Variants in NEUROG2 observed in about 807,000 individuals in gnomAD.
The protein encoded by NEUROG2 is neurogenin 2.
In NEUROG2, 1 loss-of-function variant was observed where a neutral mutation model predicts 2.8. The ratio of observed to expected loss-of-function variants is 0.36; its 90% confidence interval spans 0.13 to 1.71. NEUROG2 has a LOEUF of 1.71. Ranked by LOEUF, NEUROG2 falls within the 40% of genes most tolerant of loss-of-function variation. The pLI, the probability that NEUROG2 is intolerant of heterozygous loss-of-function variation, is 0.34. For synonymous variants in NEUROG2, 211 were observed against 187.7 expected (o/e 1.12, Z -1.01); for missense variants, 397 against 392.7 (o/e 1.01, Z -0.09).
Position 112,514,931 on chromosome 4 carries a change from G to C in NEUROG2, c.545C>G (p.Pro182Arg). ...CACTGCCTCGGAGAAGAGCGCCCCC[G>C]GCAGGCCCCCGCCGCCGCCCCCGCA... Reference protein sequence around the residue: ...DHCGGGGGGLPGALFSEAVLL... With the variant: ...DHCGGGGGGLRGALFSEAVLL... Residue 182 changes from proline (P) to arginine (R), a missense_variant, in exon 2 of 2, where the codon CCG becomes CGG. Physicochemically the swap from Pro to Arg is moderately radical, Grantham distance 103 (BLOSUM62 -2). Transcript: ENST00000313341. 7.5e-6 allele frequency: 12 copies of C among 1,609,018 alleles called. No individual in the cohort carries two copies. Among genetic ancestry groups the C allele is most frequent in the Non-Finnish European group, 1.0e-5 (12 of 1,178,408 alleles).
At position 112,514,775 on chromosome 4, in the gene NEUROG2, T is replaced by C. The variant is rs778214011; in HGVS notation, c.701A>G (p.Tyr234Cys). Residue 234 changes from tyrosine (Y) to cysteine (C), a missense_variant, in exon 2 of 2, where the codon TAC becomes TGC. Transcript: ENST00000313341. The part of the protein sequence containing the change: ...SSVSSNSTSP[Y>C]SCTLSPASPA... ...GCTGGCGGGCGATAAAGTGCAGCTGTAGGGGGAGGTGGAATTGGAGGACAC... is the reference window on the plus strand; with the variant it reads ...GCTGGCGGGCGATAAAGTGCAGCTGCAGGGGGAGGTGGAATTGGAGGACAC... 4.5e-6 allele frequency: 7 copies of C among 1,545,960 alleles called. No individual in the cohort carries two copies. Among genetic ancestry groups the C allele is most frequent in the Admixed American group, 4.3e-5 (2 of 46,782 alleles).
chr4:112,514,695 A>AGC lies in NEUROG2; in HGVS notation c.779_780dup (p.Tyr261AlafsTer8). On this transcript the variant is annotated frameshift_variant, in exon 2 of 2. Transcript: ENST00000313341. LOFTEE classifies it high-confidence loss of function. ...CTGGCTATGGGGAGGTGAGGTGCAT[A>AGC]GCGGTGCTTGTCGGGAGGTGGGGGC... The AGC allele has an allele frequency of 6.6e-7, 1 of 1,517,682 alleles. No homozygotes were observed. The highest frequency in any genetic ancestry group is 8.8e-7 in the Non-Finnish European group (1 of 1,135,712). The allele number at this position is 1,517,682 out of a possible 1,614,324, so 94.0% of individuals were successfully genotyped here. A position where few individuals can be genotyped will look rare whatever the true frequency, so the allele number is the denominator to read the frequency against.
rs1255559295 is a variant in NEUROG2, at chr4:112,513,755, G to T, written c.*902C>A. 6.6e-6 allele frequency: 1 copy of T among 152,570 alleles called. No individual in the cohort carries two copies. The highest frequency in any genetic ancestry group is 1.5e-5 in the Non-Finnish European group (1 of 68,040). 9.5% of individuals were successfully genotyped at this position (152,570 alleles called of 1,614,324 possible). ...TTTTTAATCTCTTGAAAGAATGGGG[G>T]AGTTCCTTCTCCCCTAAAAGGTCGA... On this transcript the variant is annotated 3_prime_UTR_variant, in exon 2 of 2. Transcript: ENST00000313341.
In NEUROG2 at chr4:112,514,396, G is replaced by A; in HGVS notation, c.*261C>T. On this transcript the variant is annotated 3_prime_UTR_variant, in exon 2 of 2. Transcript: ENST00000313341. ...CTTCCCAGGGTCTTTTTCGTCTCAA[G>A]AAGCGCCCCCAAAACGCCACCCTTG... 2.6e-6 allele frequency: 1 copy of A among 386,188 alleles called. No homozygotes were observed. The highest frequency in any genetic ancestry group is 2.1e-5 in the African/African-American group (1 of 48,418). 23.9% of individuals were successfully genotyped at this position (386,188 alleles called of 1,614,324 possible). A position where few individuals can be genotyped will look rare whatever the true frequency, so the allele number is the denominator to read the frequency against.
rs543548321 is a variant in NEUROG2 at position 112,515,270 on chromosome 4, G to A, written c.206C>T (p.Ala69Val). ...AGQGARGGVAAGAEGCRPARL... is the reference protein window; with the variant it reads ...AGQGARGGVAVGAEGCRPARL... ...TGCGGGCCGGCAGCCCTCCGCACCC[G>A]CAGCCACGCCGCCCCGCGCCCCCTG... is the stretch of plus-strand genomic sequence containing the variant. The change falls in exon 2 of 2, where the codon GCG becomes GTG. Residue 69 changes from alanine (A) to valine (V), a missense_variant. Ala to Val is a moderately conservative substitution (Grantham distance 64). Transcript: ENST00000313341. 7.7e-5 allele frequency: 117 copies of A among 1,521,848 alleles called. No homozygotes were observed. In the East Asian group the frequency reaches 1.4e-3, roughly 18 times the overall value. The allele number at this position is 1,521,848 out of a possible 1,614,324, so 94.3% of individuals were successfully genotyped here. A position where few individuals can be genotyped will look rare whatever the true frequency, so the allele number is the denominator to read the frequency against.
chr4:112,515,111 C>A lies in NEUROG2; in HGVS notation c.365G>T (p.Arg122Leu), dbSNP rs1736401396. The A allele has an allele frequency of 6.2e-7, 1 of 1,613,842 alleles. No individual in the cohort carries two copies. ...TRRLKANNRERNRMHNLNAAL... is the reference protein window; with the variant it reads ...TRRLKANNRELNRMHNLNAAL... ...CGCGTTGAGGTTGTGCATGCGGTTT[C>A]GCTCGCGGTTGTTGGCCTTCAGTCT... The change falls in exon 2 of 2, where the codon CGA becomes CTA. Residue 122 changes from arginine (R) to leucine (L), a missense_variant. By Grantham distance (102) the Arg-to-Leu change is moderately radical (BLOSUM62 -2). Transcript: ENST00000313341.
chr4:112,514,454 A>T lies in NEUROG2; in HGVS notation c.*203T>A, dbSNP rs752733719. ...CAATAAGCTCCATCACACCTTCAGT[A>T]AATCAGAGCCCGTCTGAATGAAGGA... On this transcript the variant is annotated 3_prime_UTR_variant, in exon 2 of 2. Coordinates refer to ENST00000313341, the MANE Select transcript of NEUROG2 (RefSeq NM_024019.4). 6.9e-6 allele frequency: 3 copies of T among 434,758 alleles called. No homozygotes were observed. The highest frequency in any genetic ancestry group is 1.2e-5 in the Non-Finnish European group (3 of 256,440). 26.9% of individuals were successfully genotyped at this position (434,758 alleles called of 1,614,324 possible). A position where few individuals can be genotyped will look rare whatever the true frequency, so the allele number is the denominator to read the frequency against.
Position 112,514,574 on chromosome 4 carries a change from G to T in NEUROG2, c.*83C>A. 8.8e-7 allele frequency: 1 copy of T among 1,136,512 alleles called. No individual in the cohort carries two copies. Among genetic ancestry groups the T allele is most frequent in the Non-Finnish European group, 1.2e-6 (1 of 826,734 alleles). 70.4% of individuals were successfully genotyped at this position (1,136,512 alleles called of 1,614,324 possible). A position where few individuals can be genotyped will look rare whatever the true frequency, so the allele number is the denominator to read the frequency against. On this transcript the variant is annotated 3_prime_UTR_variant, in exon 2 of 2. Transcript: ENST00000313341. Reference sequence around the variant, plus strand: ...ATGGTTTCCAGGGCGTGGAAAGGAGGGGCAGGGGAAGGGAGGAGGGCTCGA... The same window carrying T: ...ATGGTTTCCAGGGCGTGGAAAGGAGTGGCAGGGGAAGGGAGGAGGGCTCGA...
chr4:112,513,601 C>T lies in NEUROG2; in HGVS notation c.*1056G>A, dbSNP rs1304768424. Reference sequence around the variant, plus strand: ...AGATGTAAATACATACTAGAATAAACTCTGTAGAATATACAAAAAATACAT... The same window carrying T: ...AGATGTAAATACATACTAGAATAAATTCTGTAGAATATACAAAAAATACAT... On this transcript the variant is annotated 3_prime_UTR_variant, in exon 2 of 2. Transcript: ENST00000313341. The T allele has an allele frequency of 1.3e-5, 2 of 152,548 alleles. No individual in the cohort carries two copies. The highest frequency in any genetic ancestry group is 2.9e-5 in the Non-Finnish European group (2 of 68,008). 9.4% of individuals were successfully genotyped at this position (152,548 alleles called of 1,614,324 possible). A position where few individuals can be genotyped will look rare whatever the true frequency, so the allele number is the denominator to read the frequency against.
In NEUROG2 at chr4:112,514,944, C is replaced by T. The variant is rs766752915; in HGVS notation, c.532G>A (p.Gly178Ser). The T allele has an allele frequency of 2.2e-5, 35 of 1,610,790 alleles. No homozygotes were observed. The highest frequency in any genetic ancestry group is 3.0e-5 in the Non-Finnish European group (35 of 1,179,090). Residue 178 changes from glycine (G) to serine (S), a missense_variant, in exon 2 of 2, where the codon GGC becomes AGC. Gly to Ser is a moderately conservative substitution (Grantham distance 56). Transcript: ENST00000313341. ...AAGAGCGCCCCCGGCAGGCCCCCGC[C>T]GCCGCCCCCGCAGTGATCCGCCAGG... Reference protein sequence around the residue: ...LRLADHCGGGGGGLPGALFSE... With the variant: ...LRLADHCGGGSGGLPGALFSE...
chr4:112,515,251 C>T lies in NEUROG2; in HGVS notation c.225G>A (p.Arg75=), dbSNP rs1371505317. ...GTACCAGACCCAGCAGCCGTGCGGG[C>T]CGGCAGCCCTCCGCACCCGCAGCCA... ...GGVAAGAEGC[R]PARLLGLVHD... Residue 75 remains arginine (R), a synonymous_variant, in exon 2 of 2, where the codon CGG becomes CGA. Coordinates refer to ENST00000313341, the MANE Select transcript of NEUROG2 (RefSeq NM_024019.4). 14 of 1,576,888 alleles carry T rather than the reference C, an allele frequency of 8.9e-6. No homozygotes were observed. The highest frequency in any genetic ancestry group is 1.2e-5 in the Non-Finnish European group (14 of 1,169,516).
chr4:112,513,682 A>G lies in NEUROG2; in HGVS notation c.*975T>C, dbSNP rs1736360186. On this transcript the variant is annotated 3_prime_UTR_variant, in exon 2 of 2. Coordinates refer to ENST00000313341, the MANE Select transcript of NEUROG2 (RefSeq NM_024019.4). ...ATAGAAGGGAACACGTGTGTGGCTG[A>G]TCCGGATAATGCTCCGTGTCTGCTT... 6.5e-6 allele frequency: 1 copy of G among 152,672 alleles called. No homozygotes were observed. The highest frequency in any genetic ancestry group is 2.4e-5 in the African/African-American group (1 of 41,464). The allele number at this position is 152,672 out of a possible 1,614,324, so 9.5% of individuals were successfully genotyped here. A position where few individuals can be genotyped will look rare whatever the true frequency, so the allele number is the denominator to read the frequency against.
In NEUROG2 at chr4:112,515,209, G is replaced by C; in HGVS notation, c.267C>G (p.Arg89=). 6.2e-7 allele frequency: 1 copy of C among 1,608,064 alleles called. No individual in the cohort carries two copies. ...LLGLVHDCKR[R]PSRARAVSRG... ...GGGAGACGGCCCGCGCCCGGGAAGG[G>C]CGCCGTTTGCAATCGTGTACCAGAC... The change falls in exon 2 of 2, where the codon CGC becomes CGG. Residue 89 remains arginine (R), a synonymous_variant. Transcript: ENST00000313341.
Position 112,513,835 on chromosome 4 carries a change from T to C in NEUROG2, c.*822A>G, listed in dbSNP as rs539053612. 7 of 152,742 alleles carry C rather than the reference T, an allele frequency of 4.6e-5. No individual in the cohort carries two copies. The South Asian group carries it at 1.5e-3, about 32-fold the overall frequency. The allele number at this position is 152,742 out of a possible 1,614,324, so 9.5% of individuals were successfully genotyped here. ...CCTGATTTTTCCCTTTTCCTCCACATTTTTCCTTTTGATAGAGAGTTCAGC... is the reference window on the plus strand; with the variant it reads ...CCTGATTTTTCCCTTTTCCTCCACACTTTTCCTTTTGATAGAGAGTTCAGC... On this transcript the variant is annotated 3_prime_UTR_variant, in exon 2 of 2. Transcript: ENST00000313341.
rs2148785660 is a variant in NEUROG2 at position 112,515,076 on chromosome 4, C to A, written c.400G>T (p.Ala134Ser). The change falls in exon 2 of 2, where the codon GCG (alanine) becomes TCG (serine). Residue 134 changes from alanine (A) to serine (S), a missense_variant. By Grantham distance (99) the Ala-to-Ser change is moderately conservative. Transcript: ENST00000313341. The part of the protein sequence containing the change: ...RMHNLNAALD[A>S]LREVLPTFPE... The stretch of plus-strand genomic sequence containing the variant: ...AACGTGGGGAGCACCTCGCGCAGCG[C>A]GTCCAGTGCCGCGTTGAGGTTGTGC... The A allele has an allele frequency of 4.3e-6, 7 of 1,614,026 alleles. No individual in the cohort carries two copies. The highest frequency in any genetic ancestry group is 5.9e-6 in the Non-Finnish European group (7 of 1,179,934).
In NEUROG2 at chr4:112,514,623, C is replaced by A; in HGVS notation, c.*34G>T. 1.4e-6 allele frequency: 2 copies of A among 1,479,640 alleles called. No individual in the cohort carries two copies. The highest frequency in any genetic ancestry group is 1.8e-6 in the Non-Finnish European group (2 of 1,116,860). 91.7% of individuals were successfully genotyped at this position (1,479,640 alleles called of 1,614,324 possible). A position where few individuals can be genotyped will look rare whatever the true frequency, so the allele number is the denominator to read the frequency against. On this transcript the variant is annotated 3_prime_UTR_variant, in exon 2 of 2. Transcript: ENST00000313341. ...GACTGGGGACAGGAAAGGGAACCCA[C>A]TAAGGCCTGGCGTGGGTAGCAGAAA... is the stretch of plus-strand genomic sequence containing the variant.
Position 112,514,659 on chromosome 4 carries a change from A to G in NEUROG2, c.817T>C (p.Ter273GlnextTer72). 1 of 1,505,928 alleles carries G rather than the reference A, an allele frequency of 6.6e-7. No individual in the cohort carries two copies. Among genetic ancestry groups the G allele is most frequent in the Non-Finnish European group, 8.9e-7 (1 of 1,129,132 alleles). 93.3% of individuals were successfully genotyped at this position (1,505,928 alleles called of 1,614,324 possible). Residue 273 changes from the stop codon to glutamine (Q), a stop_lost, in exon 2 of 2, where the codon TAG (stop) becomes CAG (glutamine). Transcript: ENST00000313341. ...CGTGGGTAGCAGAAATGGCAGCTCT[A>G]GATACAATCCCTGGCTATGGGGAGG... ...PHLPIARDCI* is the reference protein window; with the variant it reads ...PHLPIARDCIQ
chr4:112,515,469 C>T lies in NEUROG2; in HGVS notation c.7G>A (p.Val3Ile), dbSNP rs761592764. Reference protein sequence around the residue: MFVKSETLELKEE... With the variant: MFIKSETLELKEE... ...TTCAACTCCAAGGTCTCGGATTTGACGAACATCCTACCGAAGAGAGAAAGG... is the reference window on the plus strand; with the variant it reads ...TTCAACTCCAAGGTCTCGGATTTGATGAACATCCTACCGAAGAGAGAAAGG... Residue 3 changes from valine (V) to isoleucine (I), a missense_variant, in exon 2 of 2, where the codon GTC becomes ATC. Physicochemically the swap from Val to Ile is conservative, Grantham distance 29. Coordinates refer to ENST00000313341, the MANE Select transcript of NEUROG2 (RefSeq NM_024019.4). The T allele has an allele frequency of 3.9e-6, 6 of 1,519,544 alleles. No homozygotes were observed. Among genetic ancestry groups the T allele is most frequent in the African/African-American group, 2.9e-5 (2 of 69,248 alleles). 94.1% of individuals were successfully genotyped at this position (1,519,544 alleles called of 1,614,324 possible).
Position 112,515,243 on chromosome 4 carries a change from C to G in NEUROG2, c.233G>C (p.Arg78Pro), listed in dbSNP as rs1038466263. 1.9e-6 allele frequency: 3 copies of G among 1,588,520 alleles called. No homozygotes were observed. The highest frequency in any genetic ancestry group is 1.7e-4 in the Middle Eastern group (1 of 6,024). The change falls in exon 2 of 2, where the codon CGG becomes CCG. Residue 78 changes from arginine to proline, a missense_variant. Physicochemically the swap from Arg to Pro is moderately radical, Grantham distance 103. Transcript: ENST00000313341. ...GCAATCGTGTACCAGACCCAGCAGC[C>G]GTGCGGGCCGGCAGCCCTCCGCACC... ...AAGAEGCRPARLLGLVHDCKR... is the reference protein window; with the variant it reads ...AAGAEGCRPAPLLGLVHDCKR...
Sources: allele counts gnomAD v4.1 joint callset, GRCh38; gene constraint gnomAD v4.1.1; transcripts MANE v1.5; gene names NCBI Gene and HGNC (gene_info 2026-07-23, HGNC 2026-07-21).